MATN2: variants seen among roughly 807,000 people sequenced by gnomAD.
MATN2 encodes the protein matrilin-2.
A neutral mutation model predicts 103.2 loss-of-function variants in MATN2; 69 were observed. The ratio of observed to expected loss-of-function variants is 0.67; its 90% CI spans 0.55 to 0.82. MATN2 has a LOEUF of 0.82. Among genes scored for constraint, MATN2 ranks in the 40% least tolerant of loss-of-function variants. The pLI is 0.00. For synonymous variants in MATN2, 429 were observed against 450.2 expected (o/e 0.95, Z 0.60); for missense variants, 1,023 against 1,211.5 (o/e 0.84, Z 2.31).
chr8:98,010,934 G>C (rs977081653), intron 10 of MATN2, among the ~76,000 whole-genome samples: 1 of 152,238 alleles, frequency 6.6e-6, no homozygotes, highest in Non-Finnish European at 1.5e-5. Flanking sequence ...GGCTAGGGGA[G>C]TGTCTTAGTC....
chr8:98,027,390 T>C lies in MATN2; in HGVS notation c.1943-26T>C, dbSNP rs571144765. ...GCATAAATGATTTTTTATTCAACTA[T>C]GTCAACTTTCCTTCTGTTCATATAG... On this transcript the variant is annotated intron_variant, in intron 13 of 18. Transcript: ENST00000254898. The C allele has an allele frequency of 2.6e-6, 4 of 1,549,294 alleles. No homozygotes were observed. In the African/African-American group the frequency reaches 4.1e-5, roughly 16 times the overall value.
intron 6 of MATN2, among the ~76,000 whole-genome samples, chr8:97,983,507 G>C (rs1399506708): frequency 6.6e-6 from 1 of 152,194 alleles, no homozygotes; most frequent in Non-Finnish European, 1.5e-5. Flanking sequence ...TCACCAGAAA[G>C]ATCTATAGAG....
At position 97,888,269 on chromosome 8, in the gene MATN2, G is replaced by A. The variant is rs576660499; in HGVS notation, c.142+27G>A. On this transcript the variant is annotated intron_variant, in intron 2 of 18. Transcript: ENST00000254898. ...TGAGTGGTGGTGCTCACCCCCAAAA[G>A]TGGGCAGGTGGGGGTGGTTTGGGGA... 5.8e-5 allele frequency: 87 copies of A among 1,499,848 alleles called. 1 individual carries two copies. In the South Asian group the frequency reaches 1.1e-3, roughly 20 times the overall value. 92.9% of individuals were successfully genotyped at this position (1,499,848 alleles called of 1,614,324 possible).
At chr8:97,949,593 C>T (rs938334391) in intron 4 of MATN2, among the ~76,000 whole-genome samples, 45 of 152,266 alleles carry the variant, frequency 3.0e-4, no homozygotes, top group African/African-American at 1.1e-3. Flanking sequence ...AACAGCTTAG[C>T]GGTTTCTTAC....
intron 4 of MATN2, among the ~76,000 whole-genome samples, chr8:97,961,077 AGT>A (rs1455081828): frequency 6.6e-6 from 1 of 152,134 alleles, no homozygotes; most frequent in African/African-American, 2.4e-5. Flanking sequence ...GGCCTCCCAT[AGT>A]GCTGGAATTA....
At chr8:97,979,903 T>G (rs1811962792) in intron 6 of MATN2, among the ~76,000 whole-genome samples, 1 of 152,196 alleles carries the variant, frequency 6.6e-6, no homozygotes, top group Non-Finnish European at 1.5e-5. Context: ...ACAAAACCTT[T>G]TTCAACATAA....
chr8:97,989,913 G>A lies in MATN2; in HGVS notation c.1082-4567G>A, dbSNP rs556979699. Among the ~76,000 whole-genome samples the A allele has an allele frequency of 5.9e-5, 9 of 152,232 alleles. No homozygotes were observed. The South Asian group carries it at 1.9e-3, about 32-fold the overall frequency. On this transcript the variant is annotated intron_variant, in intron 6 of 18. Transcript: ENST00000254898. Reference sequence around the variant, plus strand: ...AATACCTTTTCAGGCTGGGCACGGTGGCTCATGCTTGTAATCCCAGCACAA... The same window carrying A: ...AATACCTTTTCAGGCTGGGCACGGTAGCTCATGCTTGTAATCCCAGCACAA...
intron 1 of MATN2, among the ~76,000 whole-genome samples, chr8:97,871,570 C>T (rs544269395): frequency 1.3e-5 from 2 of 152,292 alleles, no homozygotes; most frequent in South Asian, 4.1e-4. Flanking sequence ...ATGGAGGACT[C>T]CCCTGTTTAA....
intron 5 of MATN2, among the ~76,000 whole-genome samples, chr8:97,967,776 G>A (rs1048071675): frequency 5.9e-5 from 9 of 152,248 alleles, no homozygotes; most frequent in African/African-American, 2.2e-4. Flanking sequence ...AACTGCCAGT[G>A]GCTCTACCAT....
chr8:97,929,331 G>T (rs961111016), intron 2 of MATN2, among the ~76,000 whole-genome samples: 1 of 152,158 alleles, frequency 6.6e-6, no homozygotes, highest in African/African-American at 2.4e-5. Flanking sequence ...TGCAGCTGTG[G>T]TGATTAGGAT....
intron 4 of MATN2, among the ~76,000 whole-genome samples, chr8:97,946,600 A>C (rs746814000): frequency 6.6e-6 from 1 of 152,152 alleles, no homozygotes; most frequent in South Asian, 2.1e-4. Flanking sequence ...CTAAGAAAGA[A>C]CTTTATCTTG....
At chr8:97,899,999 C>T (rs905126361) in intron 2 of MATN2, among the ~76,000 whole-genome samples, 5 of 152,198 alleles carry the variant, frequency 3.3e-5, no homozygotes, top group African/African-American at 4.8e-5. Flanking sequence ...CTCCAGCAAG[C>T]GCAGTGGGCT....
intron 14 of MATN2, among the ~76,000 whole-genome samples, chr8:98,029,381 TCTCA>T (rs1339680597): frequency 6.6e-6 from 1 of 152,224 alleles, no homozygotes; most frequent in Non-Finnish European, 1.5e-5. Flanking sequence ...AGCCCTTTCA[TCTCA>T]CTGAGACTAA....
intron 7 of MATN2, among the ~76,000 whole-genome samples, chr8:98,000,787 AT>A (rs1812756880): frequency 1.3e-5 from 2 of 152,142 alleles, no homozygotes; most frequent in Admixed American, 6.5e-5. Context: ...AAAAATAAAG[AT>A]GGCATGGTCC....
chr8:98,007,398 T>G lies in MATN2; in HGVS notation c.1451-81T>G. Reference sequence around the variant, plus strand: ...TGCATGCCTTCGAGGGAGGGCGGGGTGAGCATGACGGTCACTTGATCCAAT... The same window carrying G: ...TGCATGCCTTCGAGGGAGGGCGGGGGGAGCATGACGGTCACTTGATCCAAT... On this transcript the variant is annotated intron_variant, in intron 9 of 18. Transcript: ENST00000254898. This position sits in a 1 kb window ranked among gnomAD's most constrained non-coding sequence, Gnocchi z 4.2. The G allele has an allele frequency of 1.3e-6, 2 of 1,569,394 alleles. No homozygotes were observed. The highest frequency in any genetic ancestry group is 1.7e-6 in the Non-Finnish European group (2 of 1,149,276).
At chr8:97,887,839 T>C (rs1818490049) in intron 1 of MATN2, 4 of 376,476 alleles carry the variant, frequency 1.1e-5, no homozygotes, top group Non-Finnish European at 1.9e-5. Flanking sequence ...CATTCAGTCT[T>C]ACAGTGATTA....
chr8:97,871,788 G>A (rs1817907547), intron 1 of MATN2, among the ~76,000 whole-genome samples: 1 of 152,228 alleles, frequency 6.6e-6, no homozygotes, highest in Non-Finnish European at 1.5e-5. Context: ...CTGCCTGAAG[G>A]GGGCTCAGAT....
chr8:97,889,357 G>C (rs1818548896), intron 2 of MATN2, among the ~76,000 whole-genome samples: 1 of 151,570 alleles, frequency 6.6e-6, no homozygotes. Flanking sequence ...CAACACTTTT[G>C]CAAATGTGAA....
intron 8 of MATN2, among the ~76,000 whole-genome samples, chr8:98,004,571 A>G (rs1563720657): frequency 6.6e-6 from 1 of 152,190 alleles, no homozygotes; most frequent in Non-Finnish European, 1.5e-5. Context: ...CCATTTTGAT[A>G]TGTTAGCCTG....
Sources: allele counts gnomAD v4.1 joint callset (sites outside exome capture counted in the v4.1 genomes callset), GRCh38; gene constraint gnomAD v4.1.1; non-coding constraint Gnocchi (gnomAD v3.1); transcripts MANE v1.5; gene names NCBI Gene and HGNC (gene_info 2026-07-23, HGNC 2026-07-21).